Variants in NR5A2 observed in about 807,000 individuals in gnomAD.
NR5A2 encodes nuclear receptor subfamily 5 group A member 2, also known as CYP7A promoter-binding factor.
A neutral mutation model predicts 62.7 loss-of-function variants in NR5A2; 26 were observed. That is an observed-to-expected ratio of 0.41 (90% CI 0.30 to 0.58). The LOEUF (loss-of-function observed/expected upper bound fraction) is 0.58, where lower values mean the gene tolerates loss of function less well. Ranked by LOEUF, NR5A2 falls within the 20% of genes least tolerant of loss-of-function variation. The pLI is 0.22. For missense variants in NR5A2, 541 were observed against 669.1 expected (o/e 0.81, Z 2.11); for synonymous variants, 246 against 241.7 (o/e 1.02, Z -0.16).
At chr1:200,094,478 C>G (rs372285501) in intron 5 of NR5A2, among the ~76,000 whole-genome samples, 1 of 150,216 alleles carries the variant, frequency 6.7e-6, no homozygotes, top group Non-Finnish European at 1.5e-5. Flanking sequence ...AGCCACCACG[C>G]CCAGCCTGGA....
At position 200,120,965 on chromosome 1, in the gene NR5A2, C is replaced by T; in HGVS notation, c.1378+10C>T. 2.5e-6 allele frequency: 4 copies of T among 1,613,524 alleles called. No individual in the cohort carries two copies. The highest frequency in any genetic ancestry group is 2.2e-5 in the South Asian group (2 of 91,006). ...GTGCTCTTTAGTTTAGGTAAGAAAT[C>T]CTTTTCTCATGCTGTGCTCAACCAA... On this transcript the variant is annotated intron_variant, in intron 7 of 7. Coordinates refer to ENST00000367362, the MANE Select transcript of NR5A2 (RefSeq NM_205860.3).
At chr1:200,120,355 T>C (rs1326206244) in intron 6 of NR5A2, among the ~76,000 whole-genome samples, 1 of 152,232 alleles carries the variant, frequency 6.6e-6, no homozygotes, top group Admixed American at 6.5e-5. Context: ...ACCTTATTCA[T>C]GAGAGTTAAA....
intron 6 of NR5A2, among the ~76,000 whole-genome samples, chr1:200,114,484 G>GAACAACC (rs1201901096): frequency 6.6e-6 from 1 of 152,060 alleles, no homozygotes; most frequent in African/African-American, 2.4e-5. Flanking sequence ...TTTAGAATTG[G>GAACAACC]AACAACCTGT....
At chr1:200,033,750 CCTT>C (rs1231384678) in intron 1 of NR5A2, among the ~76,000 whole-genome samples, 1 of 152,202 alleles carries the variant, frequency 6.6e-6, no homozygotes, top group African/African-American at 2.4e-5. Flanking sequence ...AAGCCCACGC[CCTT>C]CTAATTGTGC....
intron 5 of NR5A2, among the ~76,000 whole-genome samples, chr1:200,060,939 TAAAAAAAAAA>T (rs60736317): frequency 1.1e-5 from 1 of 87,850 alleles, no homozygotes; most frequent in South Asian, 4.2e-4. Context: ...CCATCTCTAC[TAAAAAAAAAA>T]AAAAAAAAAA....
rs555679327 is a variant in NR5A2, at chr1:200,135,131, A to G, written c.1378+14176A>G. On this transcript the variant is annotated intron_variant, in intron 7 of 7. Coordinates refer to ENST00000367362, the MANE Select transcript of NR5A2 (RefSeq NM_205860.3). ...CGTGCTCATGACCACACAGCTAGGC[A>G]TCTGAGAGAGCCCATGCTCCAAGCC... Among the ~76,000 whole-genome samples the G allele has an allele frequency of 2.0e-5, 3 of 152,346 alleles. No homozygotes were observed. The East Asian group carries it at 5.8e-4, about 29-fold the overall frequency.
At chr1:200,047,977 GAC>G (rs1208044472) in intron 4 of NR5A2, among the ~76,000 whole-genome samples, 193 bp from the exon 5 acceptor site, 1 of 152,000 alleles carries the variant, frequency 6.6e-6, no homozygotes, top group East Asian at 1.9e-4. Flanking sequence ...TTTTGATGAC[GAC>G]ACACACTTGG....
At chr1:200,149,998 C>G (rs753553806) in intron 7 of NR5A2, among the ~76,000 whole-genome samples, 1 of 152,050 alleles carries the variant, frequency 6.6e-6, no homozygotes. Flanking sequence ...TTATGTAAAG[C>G]GTATAACTCC....
At chr1:200,155,148 C>T (rs888164308) in intron 7 of NR5A2, among the ~76,000 whole-genome samples, 4 of 152,154 alleles carry the variant, frequency 2.6e-5, no homozygotes, top group African/African-American at 9.7e-5. Context: ...CCACCACCAA[C>T]CAATGCAGAA....
At chr1:200,146,527 T>C (rs1667701460) in intron 7 of NR5A2, among the ~76,000 whole-genome samples, 2 of 152,364 alleles carry the variant, frequency 1.3e-5, no homozygotes, top group Admixed American at 1.3e-4. Context: ...TAGAAAGTAC[T>C]GGAGCTTTTG....
chr1:200,136,235 T>G (rs1029683907), intron 7 of NR5A2, among the ~76,000 whole-genome samples: 3 of 151,968 alleles, frequency 2.0e-5, no homozygotes, highest in African/African-American at 7.2e-5. Context: ...TTTTTTTTTT[T>G]GGAGATGGAA....
chr1:200,149,882 A>C (rs1247937140), intron 7 of NR5A2, among the ~76,000 whole-genome samples: 1 of 152,194 alleles, frequency 6.6e-6, no homozygotes, highest in Admixed American at 6.5e-5. Context: ...GTCTCACTAA[A>C]TGTTGCTTCT....
chr1:200,094,030 G>T (rs766394336), intron 5 of NR5A2, among the ~76,000 whole-genome samples: 3 of 152,056 alleles, frequency 2.0e-5, no homozygotes, highest in Non-Finnish European at 2.9e-5. Flanking sequence ...TTTGCTGGTT[G>T]TGGTGGCACA....
intron 5 of NR5A2, among the ~76,000 whole-genome samples, chr1:200,086,936 G>A (rs954221712): frequency 2.6e-5 from 4 of 152,148 alleles, no homozygotes; most frequent in African/African-American, 9.7e-5. Context: ...CTACTCAGGA[G>A]GCTGAGGCAG....
chr1:200,086,229 C>T lies in NR5A2; in HGVS notation c.1111-24973C>T, dbSNP rs151020071. 4.0e-3 allele frequency among the ~76,000 whole-genome samples: 604 copies of T among 152,208 alleles called. 4 individuals carry two copies. Among genetic ancestry groups the T allele is most frequent in the African/African-American group, 0.014 (579 of 41,520 alleles). On this transcript the variant is annotated intron_variant, in intron 5 of 7. Transcript: ENST00000367362. ...TCCTTTAATTACTATGTCAAACAAGCCTTATTTATGCCAAACAATTAAGTC... is the reference window on the plus strand; with the variant it reads ...TCCTTTAATTACTATGTCAAACAAGTCTTATTTATGCCAAACAATTAAGTC...
In NR5A2 at chr1:200,120,966, C is replaced by A. The variant is rs199813872; in HGVS notation, c.1378+11C>A. On this transcript the variant is annotated intron_variant, in intron 7 of 7. Coordinates refer to ENST00000367362, the MANE Select transcript of NR5A2 (RefSeq NM_205860.3). ...TGCTCTTTAGTTTAGGTAAGAAATC[C>A]TTTTCTCATGCTGTGCTCAACCAAC... is the stretch of plus-strand genomic sequence containing the variant. 10 of 1,613,252 alleles carry A rather than the reference C, an allele frequency of 6.2e-6. No individual in the cohort carries two copies. The highest frequency in any genetic ancestry group is 3.3e-4 in the Middle Eastern group (2 of 6,060).
At chr1:200,066,355 T>C (rs1490388375) in intron 5 of NR5A2, among the ~76,000 whole-genome samples, 1 of 151,508 alleles carries the variant, frequency 6.6e-6, no homozygotes, top group Non-Finnish European at 1.5e-5. Flanking sequence ...AACCAGACCA[T>C]CTAGGGGAAA....
chr1:200,144,819 G>A lies in NR5A2; in HGVS notation c.1378+23864G>A, dbSNP rs554908838. ...CATTTTACAGATAAGGAAATTGAGC[G>A]TGAGTAAGTCTTACCCAGGTCCTTA... On this transcript the variant is annotated intron_variant, in intron 7 of 7. Coordinates refer to ENST00000367362, the MANE Select transcript of NR5A2 (RefSeq NM_205860.3). 8.1e-4 allele frequency among the ~76,000 whole-genome samples: 124 copies of A among 152,274 alleles called. No individual in the cohort carries two copies. The Middle Eastern group carries it at 0.014, about 17-fold the overall frequency.
Position 200,176,936 on chromosome 1 carries a change from C to T in NR5A2, c.*2726C>T, listed in dbSNP as rs540083615. 3 of 152,286 alleles carry T rather than the reference C, an allele frequency of 2.0e-5. No individual in the cohort carries two copies. Among genetic ancestry groups the T allele is most frequent in the African/African-American group, 7.2e-5 (3 of 41,554 alleles). 9.4% of individuals were successfully genotyped at this position (152,286 alleles called of 1,614,324 possible). Reference sequence around the variant, plus strand: ...TAAATCATGAGAATGATTAGAAAGACGGGCAACACAGCGGGTTACATCCAC... The same window carrying T: ...TAAATCATGAGAATGATTAGAAAGATGGGCAACACAGCGGGTTACATCCAC... On this transcript the variant is annotated 3_prime_UTR_variant, in exon 8 of 8. Coordinates refer to ENST00000367362, the MANE Select transcript of NR5A2 (RefSeq NM_205860.3).
Sources: gnomAD v4.1 joint callset for allele counts (sites outside exome capture counted in the v4.1 genomes callset) on GRCh38, gnomAD v4.1.1 for gene constraint, MANE v1.5 for transcripts, NCBI Gene and HGNC (gene_info 2026-07-23, HGNC 2026-07-21) for gene names.